The following FBN2 variants were observed in gnomAD, a reference collection of about 807,000 sequenced individuals.
FBN2 encodes the protein fibrillin-2.
In FBN2, 105 loss-of-function variants were observed where a neutral mutation model predicts 355.6. The ratio of observed to expected loss-of-function variants is 0.30; its 90% CI spans 0.25 to 0.35. The LOEUF (loss-of-function observed/expected upper bound fraction) is 0.35. Among genes scored for constraint, FBN2 ranks in the 10% least tolerant of loss-of-function variants. The pLI is 1.00. For synonymous variants in FBN2, 1,350 were observed against 1,301.2 expected, an observed-to-expected ratio of 1.04 and a Z score of -0.81; for missense variants, 3,280 against 3,758.7, an observed-to-expected ratio of 0.87 and a Z score of 3.33.
At chr5:128,421,674 C>T (rs780712909) in intron 7 of FBN2, among the ~76,000 whole-genome samples, 7 of 151,794 alleles carry the variant, frequency 4.6e-5, no homozygotes, top group South Asian at 2.1e-4. Flanking sequence ...AGAAGAAAAA[C>T]GTTAAAGGTA....
intron 5 of FBN2, among the ~76,000 whole-genome samples, chr5:128,503,874 T>A (rs1389225894): frequency 6.6e-6 from 1 of 152,144 alleles, no homozygotes; most frequent in Non-Finnish European, 1.5e-5. Flanking sequence ...GAGACCTTCA[T>A]GGCAGCCCCT....
In FBN2 at chr5:128,514,458, C is replaced by T. The variant is rs539286822; in HGVS notation, c.628+4815G>A. 4.3e-4 allele frequency among the ~76,000 whole-genome samples: 65 copies of T among 152,178 alleles called. 1 individual carries two copies. The highest frequency in any genetic ancestry group is 1.4e-3 in the African/African-American group (58 of 41,534). On this transcript the variant is annotated intron_variant, in intron 5 of 64. Transcript: ENST00000262464. ...TGTGTAAAGTAGATGACTAGTTTTT[C>T]AATAATTTGCTTCTCATTAATAAGA... is the stretch of plus-strand genomic sequence containing the variant.
chr5:128,382,084 T>A (rs1395928225), intron 11 of FBN2, among the ~76,000 whole-genome samples: 1 of 152,004 alleles, frequency 6.6e-6, no homozygotes, highest in Non-Finnish European at 1.5e-5. Context: ...TTATTTAGGG[T>A]TAAGCTAGTT....
At position 128,273,991 on chromosome 5, in the gene FBN2, A is replaced by G. The variant is rs753288941; in HGVS notation, c.7712-23T>C. 2.5e-6 allele frequency: 4 copies of G among 1,613,748 alleles called. No individual in the cohort carries two copies. In the South Asian group the frequency reaches 4.4e-5, roughly 18 times the overall value. On this transcript the variant is annotated intron_variant, in intron 60 of 64. Transcript: ENST00000262464. The stretch of plus-strand genomic sequence containing the variant: ...TGTCTGGCAAAGCATCAAGAAGCAG[A>G]GCGTCAAACTTTCCAATCATAACAT...
rs747952690 is a variant in FBN2 at position 128,537,585 on chromosome 5, G to C, written c.19C>G (p.Leu7Val). ...CACAGGAAGTAGAGCTGGAGACACA[G>C]CCTCCGTCTTCTCCCCATCGCCGGC... MGRRRR[L>V]CLQLYFLWLG... The change falls in exon 1 of 65, where the codon CTG (leucine) becomes GTG (valine). Residue 7 changes from leucine to valine, a missense_variant. Physicochemically the swap from Leu to Val is conservative, Grantham distance 32. Transcript: ENST00000262464. The C allele has an allele frequency of 6.2e-7, 1 of 1,607,490 alleles. No homozygotes were observed. Among genetic ancestry groups the C allele is most frequent in the South Asian group, 1.1e-5 (1 of 90,428 alleles).
chr5:128,440,765 C>G (rs1753897889), intron 7 of FBN2, among the ~76,000 whole-genome samples: 1 of 152,170 alleles, frequency 6.6e-6, no homozygotes, highest in Non-Finnish European at 1.5e-5. Flanking sequence ...TATTTAGGCA[C>G]AGAATACATT....
chr5:128,324,401 T>C (rs1417408257), intron 34 of FBN2, among the ~76,000 whole-genome samples: 6 of 152,156 alleles, frequency 3.9e-5, no homozygotes, highest in Non-Finnish European at 8.8e-5. Context: ...TAGATCTTTC[T>C]TGCTTTCTCC....
intron 7 of FBN2, among the ~76,000 whole-genome samples, chr5:128,438,745 C>A (rs1352956196): frequency 6.6e-6 from 1 of 152,100 alleles, no homozygotes; most frequent in East Asian, 1.9e-4. Flanking sequence ...AAGAAAAAAA[C>A]TGCCAAATAA....
chr5:128,432,991 G>A (rs945550940), intron 7 of FBN2, among the ~76,000 whole-genome samples: 1 of 152,060 alleles, frequency 6.6e-6, no homozygotes, highest in Non-Finnish European at 1.5e-5. Context: ...GATCTCATGA[G>A]AACTCACTCA....
chr5:128,363,425 G>C (rs1307220697), intron 18 of FBN2, among the ~76,000 whole-genome samples: 1 of 152,010 alleles, frequency 6.6e-6, no homozygotes, highest in Non-Finnish European at 1.5e-5. Flanking sequence ...CCTAACCTCA[G>C]GTGATCCACC....
At chr5:128,298,873 C>A (rs182107323) in intron 48 of FBN2, among the ~76,000 whole-genome samples, 4 of 152,208 alleles carry the variant, frequency 2.6e-5, no homozygotes, top group Non-Finnish European at 5.9e-5. Flanking sequence ...TGTTCTGTTG[C>A]TGGTGAGGAA....
At chr5:128,423,334 A>T (rs1753401323) in intron 7 of FBN2, among the ~76,000 whole-genome samples, 1 of 152,192 alleles carries the variant, frequency 6.6e-6, no homozygotes, top group Admixed American at 6.5e-5. Context: ...ACAGTTCCAC[A>T]TGGCTGGGGA....
chr5:128,319,759 C>G (rs1189379555), intron 34 of FBN2, among the ~76,000 whole-genome samples: 1 of 152,022 alleles, frequency 6.6e-6, no homozygotes, highest in Non-Finnish European at 1.5e-5. Flanking sequence ...GGCTTTAACT[C>G]AAAGTTAGTA....
At chr5:128,368,483 T>C (rs1369538379) in intron 16 of FBN2, among the ~76,000 whole-genome samples, 1 of 147,154 alleles carries the variant, frequency 6.8e-6, no homozygotes, top group Non-Finnish European at 1.5e-5. Context: ...TATACATATA[T>C]ATACACATAT....
chr5:128,504,630 A>AAGGT (rs1051352503), intron 5 of FBN2, among the ~76,000 whole-genome samples: 6 of 152,220 alleles, frequency 3.9e-5, no homozygotes, highest in Admixed American at 1.3e-4. Flanking sequence ...CCCATTTGGA[A>AAGGT]CAGGTGTATT....
At chr5:128,445,997 C>T (rs998553904) in intron 7 of FBN2, 1 of 154,196 alleles carries the variant, frequency 6.5e-6, no homozygotes. Flanking sequence ...ATTTCCAAAC[C>T]CTTCCTGAAT....
intron 48 of FBN2, among the ~76,000 whole-genome samples, chr5:128,298,631 G>A (rs1749608441): frequency 6.6e-6 from 1 of 152,200 alleles, no homozygotes; most frequent in African/African-American, 2.4e-5. Context: ...GATCGCGTCA[G>A]CTCCTGAGGC....
At chr5:128,461,193 G>A (rs1459259009) in intron 6 of FBN2, among the ~76,000 whole-genome samples, 4 of 152,004 alleles carry the variant, frequency 2.6e-5, no homozygotes, top group Non-Finnish European at 5.9e-5. Flanking sequence ...AGTGGGCAAA[G>A]GATATGAACA....
Position 128,334,707 on chromosome 5 carries a change from C to T in FBN2, c.4099+12G>A, listed in dbSNP as rs746275764. ...GAAGTTGAAATACAGAGAACACAAG[C>T]TTGAAACCTACCTGTACATCCTGTG... On this transcript the variant is annotated intron_variant, in intron 31 of 64. Coordinates refer to ENST00000262464, the MANE Select transcript of FBN2 (RefSeq NM_001999.4). The T allele has an allele frequency of 1.3e-5, 21 of 1,614,010 alleles. No individual in the cohort carries two copies. In the Admixed American group the frequency reaches 1.5e-4, roughly 12 times the overall value.
Sources: allele counts gnomAD v4.1 joint callset (sites outside exome capture counted in the v4.1 genomes callset), GRCh38; gene constraint gnomAD v4.1.1; transcripts MANE v1.5; gene names NCBI Gene and HGNC (gene_info 2026-07-23, HGNC 2026-07-21).